FAM184B: variants seen among roughly 807,000 people sequenced by gnomAD.
FAM184B encodes the protein family with sequence similarity 184 member B, also known as protein FAM184B.
FAM184B carries 111 observed loss-of-function variants against 135.9 expected under a neutral mutation model. The ratio of observed to expected loss-of-function variants is 0.82; its 90% confidence interval spans 0.70 to 0.96. The LOEUF (loss-of-function observed/expected upper bound fraction) is 0.96. Among genes scored for constraint, FAM184B ranks in the 40% least tolerant of loss-of-function variants. The probability of loss-of-function intolerance (pLI) is 0.00; values close to 1 mark genes in which losing one functional copy is unlikely to be tolerated. For missense variants in FAM184B, 1,375 were observed against 1,323.9 expected, an observed-to-expected ratio of 1.04 and a Z score of -0.60; for synonymous variants, 552 against 524.8, an observed-to-expected ratio of 1.05 and a Z score of -0.71.
rs1392110936 is a variant in FAM184B, at chr4:17,630,651, AAAAC to A, written c.*1877_*1880del. 9 of 152,232 alleles carry A rather than the reference AAAAC, an allele frequency of 5.9e-5. No homozygotes were observed. The highest frequency in any genetic ancestry group is 1.3e-4 in the Non-Finnish European group (9 of 68,044). The allele number at this position is 152,232 out of a possible 1,614,324, so 9.4% of individuals were successfully genotyped here. The stretch of plus-strand genomic sequence containing the variant: ...ACTCACAAAAAATATTTGGTAGTGA[AAAAC>A]AGTATGGTGTGTTAATGTATGGTGA... On this transcript the variant is annotated 3_prime_UTR_variant, in exon 18 of 18. Transcript: ENST00000265018.
chr4:17,729,003 G>A (rs894457677), intron 1 of FAM184B, among the ~76,000 whole-genome samples: 32 of 152,314 alleles, frequency 2.1e-4, no homozygotes, highest in African/African-American at 7.2e-4. Flanking sequence ...CCTAGTCAAA[G>A]AAAGGGGTGA....
At chr4:17,700,894 T>C (rs1483538115) in intron 5 of FAM184B, among the ~76,000 whole-genome samples, 1 of 151,970 alleles carries the variant, frequency 6.6e-6, no homozygotes, top group Non-Finnish European at 1.5e-5. Context: ...TAACCAGGGT[T>C]ATTTTGGAAA....
Position 17,781,542 on chromosome 4 carries a change from A to G in FAM184B, c.-243T>C, listed in dbSNP as rs1719035475. On this transcript the variant is annotated 5_prime_UTR_variant, in exon 1 of 18. Coordinates refer to ENST00000265018, the MANE Select transcript of FAM184B (RefSeq NM_015688.2). This position sits in a 1 kb window ranked among gnomAD's most constrained non-coding sequence, Gnocchi z 6.5. ...GCTGGCTGGCTCCGCGGGCACCCGC[A>G]CCCTGCGGCGAGGCGTCGGCGCCCC... is the stretch of plus-strand genomic sequence containing the variant. 1 of 425,412 alleles carries G rather than the reference A, an allele frequency of 2.4e-6. No individual in the cohort carries two copies. Among genetic ancestry groups the G allele is most frequent in the Non-Finnish European group, 4.1e-6 (1 of 245,380 alleles). 26.4% of individuals were successfully genotyped at this position (425,412 alleles called of 1,614,324 possible). A position where few individuals can be genotyped will look rare whatever the true frequency, so the allele number is the denominator to read the frequency against.
chr4:17,749,031 G>A (rs576606712), intron 1 of FAM184B, among the ~76,000 whole-genome samples: 78 of 144,662 alleles, frequency 5.4e-4, no homozygotes, highest in African/African-American at 1.6e-3. Context: ...ACAGGGGCTC[G>A]CTATGTTGTC....
intron 2 of FAM184B, 140 bp from the exon 3 acceptor site, chr4:17,707,924 G>A (rs557310507): frequency 3.3e-6 from 3 of 895,628 alleles, no homozygotes; most frequent in East Asian, 2.7e-5. Context: ...AGTGGCCCAG[G>A]GCTCATCAAA....
At chr4:17,726,220 G>A (rs756490323) in intron 1 of FAM184B, among the ~76,000 whole-genome samples, 6 of 151,978 alleles carry the variant, frequency 3.9e-5, no homozygotes, top group African/African-American at 1.5e-4. Flanking sequence ...CACCGTGCCC[G>A]GCCCACTAAT....
In FAM184B at chr4:17,653,425, G is replaced by A. The variant is rs866830083; in HGVS notation, c.2038-442C>T. Among the ~76,000 whole-genome samples, 16 of 152,328 alleles carry A rather than the reference G, an allele frequency of 1.1e-4. 1 individual carries two copies. The Middle Eastern group carries it at 0.017, about 162-fold the overall frequency. On this transcript the variant is annotated intron_variant, in intron 10 of 17. Coordinates refer to ENST00000265018, the MANE Select transcript of FAM184B (RefSeq NM_015688.2). Reference sequence around the variant, plus strand: ...GCCCAGGGCTGGTGTGCACAGCAGAGCAGAATGACATAGGGAAGGGTGAGG... The same window carrying A: ...GCCCAGGGCTGGTGTGCACAGCAGAACAGAATGACATAGGGAAGGGTGAGG...
In FAM184B at chr4:17,714,697, A is replaced by G. The variant is rs570734597; in HGVS notation, c.142-5053T>C. Among the ~76,000 whole-genome samples the G allele has an allele frequency of 1.7e-4, 26 of 152,306 alleles. No individual in the cohort carries two copies. In the South Asian group the frequency reaches 5.4e-3, roughly 32 times the overall value. On this transcript the variant is annotated intron_variant, in intron 1 of 17. Transcript: ENST00000265018. ...TGAAAGGTACAAAGTAAAATCAGCTAAAAGGAAACGTGCATGGGATGAAAT... is the reference window on the plus strand; with the variant it reads ...TGAAAGGTACAAAGTAAAATCAGCTGAAAGGAAACGTGCATGGGATGAAAT...
intron 1 of FAM184B, among the ~76,000 whole-genome samples, chr4:17,767,676 C>G (rs979812284): frequency 4.6e-5 from 7 of 152,228 alleles, no homozygotes; most frequent in South Asian, 2.1e-4. Context: ...GCTGTTTCAG[C>G]GCTCTGTCTG....
intron 1 of FAM184B, among the ~76,000 whole-genome samples, chr4:17,715,399 C>T (rs568583503): frequency 1.2e-3 from 181 of 152,030 alleles, no homozygotes; most frequent in African/African-American, 3.8e-3. Flanking sequence ...CACTTGAACG[C>T]GGGAGGTGGA....
intron 1 of FAM184B, among the ~76,000 whole-genome samples, chr4:17,736,841 A>G (rs894039222): frequency 2.0e-5 from 3 of 152,160 alleles, no homozygotes; most frequent in African/African-American, 4.8e-5. Flanking sequence ...GGATGGTTCA[A>G]TTATTGAAAG....
At chr4:17,747,920 C>CAAAAAAAAAA (rs71167333) in intron 1 of FAM184B, among the ~76,000 whole-genome samples, 3 of 21,706 alleles carry the variant, frequency 1.4e-4, no homozygotes, top group Non-Finnish European at 2.3e-4. Flanking sequence ...GACTCTGTCT[C>CAAAAAAAAAA]AAAAAAAAAA....
chr4:17,660,413 G>A (rs1404531568), intron 8 of FAM184B, among the ~76,000 whole-genome samples: 1 of 152,076 alleles, frequency 6.6e-6, no homozygotes, highest in Non-Finnish European at 1.5e-5. Context: ...TAGAGTTACT[G>A]ATATGAGGTC....
At chr4:17,739,159 T>C (rs1229625927) in intron 1 of FAM184B, among the ~76,000 whole-genome samples, 2 of 152,218 alleles carry the variant, frequency 1.3e-5, no homozygotes, top group East Asian at 3.9e-4. Flanking sequence ...GATTCATGTA[T>C]TCACCTCACT....
intron 11 of FAM184B, among the ~76,000 whole-genome samples, chr4:17,651,562 A>AAG: frequency 1.3e-5 from 2 of 150,632 alleles, no homozygotes; most frequent in Admixed American, 1.3e-4. Context: ...AAAAAAAAAA[A>AAG]AGAAGAAAAG....
intron 12 of FAM184B, among the ~76,000 whole-genome samples, chr4:17,644,279 C>T (rs551466081): frequency 7.9e-5 from 12 of 152,034 alleles, no homozygotes; most frequent in African/African-American, 2.9e-4. Flanking sequence ...AGAGACACAA[C>T]AAAAAAAGAG....
At chr4:17,646,497 A>G (rs11727883) in intron 12 of FAM184B, among the ~76,000 whole-genome samples, 104,710 of 151,672 alleles carry the variant, frequency 0.69, 36,682 homozygotes, top group East Asian at 0.93. Context: ...ACCAAACACC[A>G]CATGTTCTCA....
chr4:17,744,984 T>A (rs1718129145), intron 1 of FAM184B, among the ~76,000 whole-genome samples: 1 of 152,162 alleles, frequency 6.6e-6, no homozygotes, highest in Admixed American at 6.5e-5. Context: ...TGGGACCTCT[T>A]CAGCCGGAGC....
chr4:17,726,806 C>T (rs1230447267), intron 1 of FAM184B, among the ~76,000 whole-genome samples: 1 of 152,172 alleles, frequency 6.6e-6, no homozygotes, highest in Non-Finnish European at 1.5e-5. Flanking sequence ...GCTCAGCCTG[C>T]CCCAGGAAAG....
Sources: gnomAD v4.1 joint callset for allele counts (sites outside exome capture counted in the v4.1 genomes callset) on GRCh38, gnomAD v4.1.1 for gene constraint, Gnocchi (gnomAD v3.1) non-coding constraint, MANE v1.5 for transcripts, NCBI Gene and HGNC (gene_info 2026-07-23, HGNC 2026-07-21) for gene names.